Variants in ACSS3 observed in about 807,000 individuals in gnomAD.
ACSS3 encodes acyl-CoA synthetase short-chain family member 3, mitochondrial.
In ACSS3, 64 loss-of-function variants were observed where a neutral mutation model predicts 84.2. That is an observed-to-expected ratio of 0.76 (90% CI 0.62 to 0.94). ACSS3 has a LOEUF of 0.94. Ranked by LOEUF, ACSS3 falls within the 40% of genes least tolerant of loss-of-function variation. The pLI, the probability that ACSS3 is intolerant of heterozygous loss-of-function variation, is 0.00. For synonymous variants in ACSS3, 317 were observed against 310.1 expected, an observed-to-expected ratio of 1.02 and a Z score of -0.23; for missense variants, 815 against 867.6, an observed-to-expected ratio of 0.94 and a Z score of 0.76.
At chr12:81,118,791 G>A (rs1488305013) in intron 2 of ACSS3, among the ~76,000 whole-genome samples, 2 of 152,126 alleles carry the variant, frequency 1.3e-5, no homozygotes, top group African/African-American at 4.8e-5. Flanking sequence ...ATTATTTATT[G>A]ATTTAGGCAG....
chr12:81,248,815 T>C (rs1377560072), intron 13 of ACSS3, among the ~76,000 whole-genome samples: 2 of 151,978 alleles, frequency 1.3e-5, no homozygotes, highest in African/African-American at 2.4e-5. Context: ...ATATCACATG[T>C]ACCCTATAAA....
intron 1 of ACSS3, among the ~76,000 whole-genome samples, chr12:81,081,184 G>C (rs571889350): frequency 6.6e-6 from 1 of 152,174 alleles, no homozygotes; most frequent in East Asian, 1.9e-4. Flanking sequence ...TTGCATATTA[G>C]CTTTCACAAT....
At chr12:81,240,993 C>A (rs1289039198) in intron 13 of ACSS3, among the ~76,000 whole-genome samples, 6 of 122,272 alleles carry the variant, frequency 4.9e-5, no homozygotes, top group East Asian at 3.1e-4. Flanking sequence ...CCCCTCCCCC[C>A]ACCCCACAAC....
At position 81,209,498 on chromosome 12, in the gene ACSS3, G is replaced by T. The variant is rs2032498269; in HGVS notation, c.1355-7403G>T. ...TCAGCCAGGGATTCTGGTGCTCCAA[G>T]TCTCCAAGTATTGTTGACTAAAACA... On this transcript the variant is annotated intron_variant, in intron 9 of 15. Coordinates refer to ENST00000548058, the MANE Select transcript of ACSS3 (RefSeq NM_024560.4). Among the ~76,000 whole-genome samples, 2 of 152,032 alleles carry T rather than the reference G, an allele frequency of 1.3e-5. 1 individual carries two copies. The highest frequency in any genetic ancestry group is 2.9e-5 in the Non-Finnish European group (2 of 67,990).
intron 11 of ACSS3, among the ~76,000 whole-genome samples, chr12:81,223,824 G>C (rs2033187359): frequency 6.6e-6 from 1 of 151,958 alleles, no homozygotes; most frequent in Non-Finnish European, 1.5e-5. Context: ...TATTTCTATT[G>C]CTATGGAAAT....
chr12:81,223,393 C>G lies in ACSS3; in HGVS notation c.1514+3317C>G, dbSNP rs1460842534. 2.0e-5 allele frequency among the ~76,000 whole-genome samples: 3 copies of G among 152,036 alleles called. No individual in the cohort carries two copies. In the East Asian group the frequency reaches 5.8e-4, roughly 29 times the overall value. ...TACAGCTTCACGTAAATGATTCAGT[C>G]ACTGCGTTGCCATCTTGGGAAAGAG... is the stretch of plus-strand genomic sequence containing the variant. On this transcript the variant is annotated intron_variant, in intron 11 of 15. Coordinates refer to ENST00000548058, the MANE Select transcript of ACSS3 (RefSeq NM_024560.4).
chr12:81,238,166 A>G (rs146066587), intron 13 of ACSS3, among the ~76,000 whole-genome samples: 98 of 151,908 alleles, frequency 6.5e-4, no homozygotes, highest in African/African-American at 2.2e-3. Context: ...GATTACTTTG[A>G]TTATTGAATT....
chr12:81,243,108 C>T (rs1212501818), intron 13 of ACSS3, among the ~76,000 whole-genome samples: 1 of 152,010 alleles, frequency 6.6e-6, no homozygotes, highest in East Asian at 1.9e-4. Flanking sequence ...ATCTAGAAAA[C>T]CCCATTGTCT....
chr12:81,082,298 A>G (rs146663449), intron 1 of ACSS3, among the ~76,000 whole-genome samples: 169 of 152,260 alleles, frequency 1.1e-3, no homozygotes, highest in African/African-American at 3.9e-3. Context: ...GCTCCCACTT[A>G]TAAGTGAGAA....
chr12:81,246,163 C>T (rs546200539), intron 13 of ACSS3, among the ~76,000 whole-genome samples: 2 of 152,206 alleles, frequency 1.3e-5, no homozygotes, highest in East Asian at 3.9e-4. Context: ...TAGGAGAGTA[C>T]CCAGGGCTCC....
intron 9 of ACSS3, among the ~76,000 whole-genome samples, chr12:81,202,062 G>A (rs376185369): frequency 7.9e-4 from 120 of 152,068 alleles, no homozygotes; most frequent in East Asian, 3.7e-3. Flanking sequence ...GGCGGATCAC[G>A]AGGTCAGGAG....
chr12:81,222,866 T>C (rs185609723), intron 11 of ACSS3, among the ~76,000 whole-genome samples: 1 of 152,174 alleles, frequency 6.6e-6, no homozygotes, highest in African/African-American at 2.4e-5. Context: ...TTTATCTTTC[T>C]AGTAGAAGTG....
intron 8 of ACSS3, among the ~76,000 whole-genome samples, chr12:81,180,044 T>C (rs371758310): frequency 6.6e-6 from 1 of 152,274 alleles, no homozygotes; most frequent in African/African-American, 2.4e-5. Flanking sequence ...CATAGAATAC[T>C]ACACAGCCAT....
Position 81,259,223 on chromosome 12 carries a change from A to T in ACSS3, c.*4301A>T, listed in dbSNP as rs2034586837. 4.1e-6 allele frequency: 1 copy of T among 241,726 alleles called. No individual in the cohort carries two copies. Among genetic ancestry groups the T allele is most frequent in the African/African-American group, 2.3e-5 (1 of 42,688 alleles). 15.0% of individuals were successfully genotyped at this position (241,726 alleles called of 1,614,324 possible). A position where few individuals can be genotyped will look rare whatever the true frequency, so the allele number is the denominator to read the frequency against. ...AACTGTAAAAATGGTGGAATGGTAAAATACAAACAGTACTTGGAATTGTCA... is the reference window on the plus strand; with the variant it reads ...AACTGTAAAAATGGTGGAATGGTAATATACAAACAGTACTTGGAATTGTCA... On this transcript the variant is annotated 3_prime_UTR_variant, in exon 16 of 16. Coordinates refer to ENST00000548058, the MANE Select transcript of ACSS3 (RefSeq NM_024560.4).
chr12:81,122,934 T>A (rs754986602), intron 2 of ACSS3, among the ~76,000 whole-genome samples: 1 of 152,212 alleles, frequency 6.6e-6, no homozygotes, highest in Non-Finnish European at 1.5e-5. Context: ...TGAAAAATTT[T>A]AAATAGGAAT....
intron 1 of ACSS3, among the ~76,000 whole-genome samples, chr12:81,088,794 C>T (rs73357216): frequency 0.022 from 3,304 of 151,924 alleles, 129 homozygotes; most frequent in African/African-American, 0.075. Flanking sequence ...AACTCTTCTC[C>T]TCTGAAACCG....
chr12:81,194,619 T>C (rs2031739473), intron 8 of ACSS3, among the ~76,000 whole-genome samples: 1 of 151,986 alleles, frequency 6.6e-6, no homozygotes, highest in South Asian at 2.1e-4. Context: ...ATTGTACCTT[T>C]CAATTTATTA....
At chr12:81,148,804 G>T (rs1291698676) in intron 5 of ACSS3, among the ~76,000 whole-genome samples, 1 of 149,150 alleles carries the variant, frequency 6.7e-6, no homozygotes, top group Non-Finnish European at 1.5e-5. Context: ...CATCATGCCT[G>T]TAATCCCAGC....
chr12:81,139,425 C>A (rs1331494096), intron 4 of ACSS3, among the ~76,000 whole-genome samples, 160 bp downstream of exon 4: 1 of 151,778 alleles, frequency 6.6e-6, no homozygotes, highest in African/African-American at 2.4e-5. Flanking sequence ...TTACTGACTT[C>A]ATGAAAATCT....
Sources: allele counts gnomAD v4.1 joint callset (sites outside exome capture counted in the v4.1 genomes callset), GRCh38; gene constraint gnomAD v4.1.1; transcripts MANE v1.5; gene names NCBI Gene and HGNC (gene_info 2026-07-23, HGNC 2026-07-21).